Variants in PAFAH1B1 observed in about 807,000 individuals in gnomAD.
The protein encoded by PAFAH1B1 is platelet activating factor acetylhydrolase 1b regulatory subunit 1, also known as platelet-activating factor acetylhydrolase IB subunit beta.
A neutral mutation model predicts 57.5 loss-of-function variants in PAFAH1B1; 2 were observed. The ratio of observed to expected loss-of-function variants is 0.03; its 90% CI spans 0.01 to 0.11. PAFAH1B1 has a LOEUF of 0.11. Among genes scored for constraint, PAFAH1B1 ranks in the 10% least tolerant of loss-of-function variants. The pLI is 1.00. For missense variants in PAFAH1B1, 257 were observed against 512.0 expected (o/e 0.50, Z 4.81); for synonymous variants, 152 against 169.6 (o/e 0.90, Z 0.81).
At chr17:2,645,937 T>A (rs2068762492) in intron 2 of PAFAH1B1, among the ~76,000 whole-genome samples, 1 of 151,820 alleles carries the variant, frequency 6.6e-6, no homozygotes, top group South Asian at 2.1e-4. Context: ...GCTAAGGAGT[T>A]GAGATTAAAA....
chr17:2,631,953 G>A (rs2068560930), intron 1 of PAFAH1B1, among the ~76,000 whole-genome samples: 1 of 152,156 alleles, frequency 6.6e-6, no homozygotes, highest in South Asian at 2.1e-4. Flanking sequence ...GTAGTGTAAT[G>A]AACCATTATG....
chr17:2,652,149 C>T lies in PAFAH1B1; in HGVS notation c.33-13223C>T, dbSNP rs537383630. 5.8e-4 allele frequency among the ~76,000 whole-genome samples: 32 copies of T among 54,756 alleles called. No individual in the cohort carries two copies. In the East Asian group the frequency reaches 7.3e-3, roughly 13 times the overall value. The allele number at this position is 54,756 out of a possible 152,430, so 35.9% of individuals were successfully genotyped here. ...TTTCTAGGCCAGACACAGTGGCTCA[C>T]GCCTGTAATCCCACACTTTGGGAGG... is the stretch of plus-strand genomic sequence containing the variant. On this transcript the variant is annotated intron_variant, in intron 2 of 10. Transcript: ENST00000397195.
rs2069397830 is a variant in PAFAH1B1, at chr17:2,682,385, T to A, written c.*583T>A. On this transcript the variant is annotated 3_prime_UTR_variant, in exon 11 of 11. Coordinates refer to ENST00000397195, the MANE Select transcript of PAFAH1B1 (RefSeq NM_000430.4). ...TGACACATTTGCCAAATCAGTAGGA[T>A]ATATTTGTTTTGGCAGCCTATCACG... The A allele has an allele frequency of 6.5e-6, 1 of 152,676 alleles. No individual in the cohort carries two copies. Among genetic ancestry groups the A allele is most frequent in the South Asian group, 2.1e-4 (1 of 4,832 alleles). The allele number at this position is 152,676 out of a possible 1,614,324, so 9.5% of individuals were successfully genotyped here. A position where few individuals can be genotyped will look rare whatever the true frequency, so the allele number is the denominator to read the frequency against.
chr17:2,667,282 C>T (rs1369896194), intron 5 of PAFAH1B1, 84 bp downstream of exon 5: 17 of 966,898 alleles, frequency 1.8e-5, no homozygotes, highest in African/African-American at 6.5e-5. Context: ...TGCAGTGAGC[C>T]GAGATTGCAC....
chr17:2,679,307 C>G (rs2069325674), intron 9 of PAFAH1B1, among the ~76,000 whole-genome samples: 1 of 152,164 alleles, frequency 6.6e-6, no homozygotes, highest in Non-Finnish European at 1.5e-5. Flanking sequence ...AAGAACAGAA[C>G]TGCTGCGACA....
intron 2 of PAFAH1B1, among the ~76,000 whole-genome samples, chr17:2,651,164 A>G (rs1240215373): frequency 6.6e-6 from 1 of 152,164 alleles, no homozygotes; most frequent in Non-Finnish European, 1.5e-5. Flanking sequence ...CATTTATTGA[A>G]TAGCCCTTTC....
chr17:2,621,236 C>CT (rs1007878302), intron 1 of PAFAH1B1, among the ~76,000 whole-genome samples: 33 of 152,244 alleles, frequency 2.2e-4, no homozygotes, highest in Admixed American at 1.8e-3. Flanking sequence ...ATCCTTCACC[C>CT]TCCGAAAGGC....
intron 1 of PAFAH1B1, among the ~76,000 whole-genome samples, chr17:2,611,445 G>C (rs2068265773): frequency 6.6e-6 from 1 of 151,444 alleles, no homozygotes; most frequent in Non-Finnish European, 1.5e-5. Context: ...TCCAGCCTGG[G>C]TGACAGAGCA....
At chr17:2,655,178 C>CGTGTGT (rs2068920589) in intron 2 of PAFAH1B1, among the ~76,000 whole-genome samples, 1 of 123,946 alleles carries the variant, frequency 8.1e-6, no homozygotes, top group African/African-American at 3.2e-5. Context: ...TATATATATA[C>CGTGTGT]ATATATGTGT....
rs1265170176 is a variant in PAFAH1B1, at chr17:2,649,385, C to T, written c.32+11065C>T. 2.0e-5 allele frequency among the ~76,000 whole-genome samples: 3 copies of T among 151,880 alleles called. No homozygotes were observed. The East Asian group carries it at 5.8e-4, about 29-fold the overall frequency. On this transcript the variant is annotated intron_variant, in intron 2 of 10. Transcript: ENST00000397195. The stretch of plus-strand genomic sequence containing the variant: ...ATAAGGAGTTCAAGACCAGCCTGGC[C>T]AATATGACGAAACCCCATCTCTACT...
intron 1 of PAFAH1B1, among the ~76,000 whole-genome samples, chr17:2,634,529 T>C (rs2068597359): frequency 6.6e-6 from 1 of 152,208 alleles, no homozygotes; most frequent in Non-Finnish European, 1.5e-5. Context: ...CTGTAAGATA[T>C]ACCCAGTAAA....
intron 7 of PAFAH1B1, 154 bp from the exon 8 acceptor site, chr17:2,673,906 C>T: frequency 1.6e-6 from 1 of 628,100 alleles, no homozygotes; most frequent in Non-Finnish European, 2.9e-6. Flanking sequence ...CTTATTGTTC[C>T]TACTTTAATT....
At chr17:2,661,810 T>C (rs1458979575) in intron 2 of PAFAH1B1, among the ~76,000 whole-genome samples, 2 of 152,068 alleles carry the variant, frequency 1.3e-5, no homozygotes, top group Non-Finnish European at 2.9e-5. Context: ...AAAATACTAT[T>C]ATTGGCCAGG....
intron 2 of PAFAH1B1, among the ~76,000 whole-genome samples, chr17:2,664,665 G>GCGCTCGCGCTCTCTCTCTCTCTCTCT: frequency 1.2e-5 from 1 of 86,028 alleles, no homozygotes; most frequent in Non-Finnish European, 2.6e-5. Context: ...TCTATCTATC[G>GCGCTCGCGCTCTCTCTCTCTCTCTCT]CTCTCTCTCT....
chr17:2,623,181 A>T lies in PAFAH1B1; in HGVS notation c.-190-14918A>T, dbSNP rs369969637. Among the ~76,000 whole-genome samples, 285 of 151,422 alleles carry T rather than the reference A, an allele frequency of 1.9e-3. 1 individual carries two copies. Among genetic ancestry groups the T allele is most frequent in the African/African-American group, 6.5e-3 (268 of 41,296 alleles). On this transcript the variant is annotated intron_variant, in intron 1 of 10. Coordinates refer to ENST00000397195, the MANE Select transcript of PAFAH1B1 (RefSeq NM_000430.4). The stretch of plus-strand genomic sequence containing the variant: ...AGACATTTTCTCCATAGTCTTGGGG[A>T]TTAACATTAGGCTCCTTGCTTCTTA...
At chr17:2,670,080 C>A in intron 5 of PAFAH1B1, 83 bp from the exon 6 acceptor site, 2 of 1,103,390 alleles carry the variant, frequency 1.8e-6, no homozygotes, top group Non-Finnish European at 2.8e-6. Context: ...CAGTAAGGTG[C>A]CAGACTGGCC....
intron 1 of PAFAH1B1, among the ~76,000 whole-genome samples, chr17:2,600,058 C>T (rs2068123561): frequency 1.4e-5 from 2 of 143,358 alleles, no homozygotes; most frequent in African/African-American, 2.6e-5. Context: ...CAGCTCACTG[C>T]AACCTCCACC....
intron 1 of PAFAH1B1, among the ~76,000 whole-genome samples, chr17:2,594,900 G>C (rs2068068224): frequency 6.6e-6 from 1 of 152,178 alleles, no homozygotes; most frequent in African/African-American, 2.4e-5. Flanking sequence ...TTTTGACTCT[G>C]CACCTCTAAA....
chr17:2,594,153 C>A, intron 1 of PAFAH1B1, 147 bp downstream of exon 1: 1 of 395,016 alleles, frequency 2.5e-6, no homozygotes. Flanking sequence ...GCCGCCTCCT[C>A]CTTCTTCTTC....
Sources: gnomAD v4.1 joint callset for allele counts (sites outside exome capture counted in the v4.1 genomes callset) on GRCh38, gnomAD v4.1.1 for gene constraint, MANE v1.5 for transcripts, NCBI Gene and HGNC (gene_info 2026-07-23, HGNC 2026-07-21) for gene names.